The following SBK1 variants were observed in gnomAD, a reference collection of about 807,000 sequenced individuals.
SBK1 encodes the protein SH3 domain binding kinase 1.
Under a neutral mutation model 24.4 loss-of-function variants are expected in SBK1, and 11 were observed. The observed-to-expected ratio is 0.45, with a 90% confidence interval of 0.28 to 0.75. SBK1 has a LOEUF of 0.75. SBK1 is among the 30% of genes least tolerant of loss of function. The probability of loss-of-function intolerance (pLI) is 0.12; values close to 1 mark genes in which losing one functional copy is unlikely to be tolerated. For synonymous variants in SBK1, 308 were observed against 284.4 expected, an observed-to-expected ratio of 1.08 and a Z score of -0.83; for missense variants, 467 against 620.5, an observed-to-expected ratio of 0.75 and a Z score of 2.63.
Position 28,298,055 on chromosome 16 carries a change from TTC to T in SBK1, c.-8+4757_-8+4758del, listed in dbSNP as rs75044149. Among the ~76,000 whole-genome samples, 1,339 of 152,304 alleles carry T rather than the reference TTC, an allele frequency of 8.8e-3. 16 individuals are homozygous for T. Among genetic ancestry groups the T allele is most frequent in the Middle Eastern group, 0.037 (11 of 294 alleles). Reference sequence around the variant, plus strand: ...TCTGCTGGAGAGTTTCCTGGAGACTTTCTGCCCCAGAAGGATGGGCCCCAGGC... The same window carrying T: ...TCTGCTGGAGAGTTTCCTGGAGACTTTGCCCCAGAAGGATGGGCCCCAGGC... On this transcript the variant is annotated intron_variant, in intron 1 of 3. Coordinates refer to ENST00000341901, the MANE Select transcript of SBK1 (RefSeq NM_001024401.3).
Position 28,286,155 on chromosome 16 carries a change from A to G in SBK1, c.257+26653A>G, listed in dbSNP as rs919920532. 6 of 152,530 alleles carry G rather than the reference A, an allele frequency of 3.9e-5. 1 individual carries two copies. Among genetic ancestry groups the G allele is most frequent in the South Asian group, 2.1e-4 (1 of 4,826 alleles). 9.4% of individuals were successfully genotyped at this position (152,530 alleles called of 1,614,324 possible). A position where few individuals can be genotyped will look rare whatever the true frequency, so the allele number is the denominator to read the frequency against. ...ACCTGTGCCATCTTCCATCCGATCCATCTTGGGTTCTGTTGGACCTCTTGG... is the reference window on the plus strand; with the variant it reads ...ACCTGTGCCATCTTCCATCCGATCCGTCTTGGGTTCTGTTGGACCTCTTGG... On this transcript the variant is annotated intron_variant, in intron 1 of 3. Transcript: ENST00000671413.
intron 1 of SBK1, among the ~76,000 whole-genome samples, chr16:28,307,826 G>A (rs546539312): frequency 2.6e-5 from 4 of 152,042 alleles, no homozygotes; most frequent in East Asian, 1.9e-4. Context: ...CATTAAAACC[G>A]TAGCAATATC....
At chr16:28,289,263 TTAG>T (rs1376623004), upstream of SBK1, among the ~76,000 whole-genome samples, 11 of 152,306 alleles carry the variant, frequency 7.2e-5, no homozygotes, top group East Asian at 2.1e-3. Context: ...AATCCCTCTA[TTAG>T]TTTATTTACG....
chr16:28,268,098 A>G (rs563586394), intron 1 of SBK1, among the ~76,000 whole-genome samples: 4 of 152,264 alleles, frequency 2.6e-5, no homozygotes, highest in African/African-American at 9.6e-5. Context: ...CCTGGGCAAC[A>G]TGGTGAGACC....
rs992260403 is a variant in SBK1 at position 28,320,961 on chromosome 16, C to T, written c.*40C>T. The T allele has an allele frequency of 3.5e-5, 47 of 1,350,504 alleles. 1 individual carries two copies. Among genetic ancestry groups the T allele is most frequent in the African/African-American group, 2.4e-4 (15 of 63,522 alleles). 83.7% of individuals were successfully genotyped at this position (1,350,504 alleles called of 1,614,324 possible). A position where few individuals can be genotyped will look rare whatever the true frequency, so the allele number is the denominator to read the frequency against. On this transcript the variant is annotated 3_prime_UTR_variant, in exon 4 of 4. Transcript: ENST00000341901. The surrounding 1 kb of genome is among the most constrained non-coding windows in gnomAD (Gnocchi z 8.5). The stretch of plus-strand genomic sequence containing the variant: ...CCTCGGACCCGGGAGCAGCCCGGGC[C>T]CGCCCCGAGCCGGTGCCCGGTGCGG...
chr16:28,261,707 C>A (rs536983637), intron 1 of SBK1, among the ~76,000 whole-genome samples: 7 of 152,296 alleles, frequency 4.6e-5, no homozygotes, highest in African/African-American at 1.7e-4. Context: ...GACCCTGCAT[C>A]GGAGATTTTG....
At chr16:28,264,582 A>AAC (rs1442226853) in intron 1 of SBK1, among the ~76,000 whole-genome samples, 1 of 152,150 alleles carries the variant, frequency 6.6e-6, no homozygotes, top group African/African-American at 2.4e-5. Flanking sequence ...AAAAAAAAAA[A>AAC]AAAAATTCCT....
chr16:28,303,018 A>AT (rs2044690031), intron 1 of SBK1, among the ~76,000 whole-genome samples: 1 of 151,738 alleles, frequency 6.6e-6, no homozygotes, highest in African/African-American at 2.4e-5. Flanking sequence ...TCATTTTGTC[A>AT]TTTGAACAGA....
chr16:28,304,279 C>T (rs1386199196), intron 1 of SBK1, among the ~76,000 whole-genome samples: 1 of 152,166 alleles, frequency 6.6e-6, no homozygotes, highest in Non-Finnish European at 1.5e-5. Context: ...TCCCTATCCT[C>T]CTGGAACCTC....
chr16:28,302,966 G>GGA (rs1555537949), intron 1 of SBK1, among the ~76,000 whole-genome samples: 3 of 151,860 alleles, frequency 2.0e-5, no homozygotes, highest in Non-Finnish European at 2.9e-5. Context: ...GGGCATGGGG[G>GGA]GGGGTCAGGA....
chr16:28,275,532 C>G (rs1015833450), intron 1 of SBK1, among the ~76,000 whole-genome samples: 1 of 152,020 alleles, frequency 6.6e-6, no homozygotes, highest in African/African-American at 2.4e-5. Flanking sequence ...TGGCTCAAGA[C>G]GTGGGTCAGG....
intron 1 of SBK1, among the ~76,000 whole-genome samples, chr16:28,271,024 T>C (rs1252241352): frequency 6.6e-6 from 1 of 151,684 alleles, no homozygotes; most frequent in Non-Finnish European, 1.5e-5. Context: ...CCACCACGCC[T>C]GGCTAATTTT....
rs577952129 is a variant in SBK1 at position 28,323,734 on chromosome 16, C to T, written c.*2813C>T. ...CCCCTCATGTCTTGCCGCCCTTCCTCCATGTGTTTGTAAATACTCTGGCAT... is the reference window on the plus strand; with the variant it reads ...CCCCTCATGTCTTGCCGCCCTTCCTTCATGTGTTTGTAAATACTCTGGCAT... On this transcript the variant is annotated 3_prime_UTR_variant, in exon 4 of 4. Coordinates refer to ENST00000341901, the MANE Select transcript of SBK1 (RefSeq NM_001024401.3). 6.5e-6 allele frequency: 1 copy of T among 152,848 alleles called. No individual in the cohort carries two copies. Among genetic ancestry groups the T allele is most frequent in the East Asian group, 1.9e-4 (1 of 5,308 alleles). 9.5% of individuals were successfully genotyped at this position (152,848 alleles called of 1,614,324 possible). A position where few individuals can be genotyped will look rare whatever the true frequency, so the allele number is the denominator to read the frequency against.
In SBK1 at chr16:28,292,852, C is replaced by T. The variant is rs930787869; in HGVS notation, c.-456C>T. Reference sequence around the variant, plus strand: ...CCCCTGCGGGGAAAGCGGAGACTTCCTCGGTATTTAGAAGACAGCAAGCCC... The same window carrying T: ...CCCCTGCGGGGAAAGCGGAGACTTCTTCGGTATTTAGAAGACAGCAAGCCC... On this transcript the variant is annotated 5_prime_UTR_variant, in exon 1 of 4. Transcript: ENST00000341901. 2.3e-5 allele frequency: 23 copies of T among 984,596 alleles called. No homozygotes were observed. Among genetic ancestry groups the T allele is most frequent in the Non-Finnish European group, 2.7e-5 (22 of 829,256 alleles). The allele number at this position is 984,596 out of a possible 1,614,324, so 61.0% of individuals were successfully genotyped here.
At chr16:28,308,450 CTTTTTTTTTTTTTTTTTTTTTTT>C (rs59880320) in intron 1 of SBK1, among the ~76,000 whole-genome samples, 1 of 39,980 alleles carries the variant, frequency 2.5e-5, no homozygotes, top group Non-Finnish European at 4.1e-5. Flanking sequence ...CATGCTTGGG[CTTTTTTTTTTTTTTTTTTTTTTT>C]TTTTTTTTTT....
At chr16:28,309,113 ACAC>A (rs2044737215) in intron 1 of SBK1, among the ~76,000 whole-genome samples, 1 of 152,144 alleles carries the variant, frequency 6.6e-6, no homozygotes. Flanking sequence ...GAGGCTTTCC[ACAC>A]AGTGACCTGG....
At chr16:28,262,348 C>T (rs1232068318) in intron 1 of SBK1, among the ~76,000 whole-genome samples, 1 of 152,234 alleles carries the variant, frequency 6.6e-6, no homozygotes, top group Admixed American at 6.5e-5. Flanking sequence ...CTGGTGCATC[C>T]TGCTTCTGTG....
Position 28,292,644 on chromosome 16 carries a change from C to G in SBK1, c.-664C>G. 3 of 983,316 alleles carry G rather than the reference C, an allele frequency of 3.1e-6. No individual in the cohort carries two copies. The highest frequency in any genetic ancestry group is 2.4e-6 in the Non-Finnish European group (2 of 829,054). 60.9% of individuals were successfully genotyped at this position (983,316 alleles called of 1,614,324 possible). A position where few individuals can be genotyped will look rare whatever the true frequency, so the allele number is the denominator to read the frequency against. ...AGGCCGGGGGCCGGGAGCGCAGGGCCGGGCTGCTCGTAGCGGCGGCGACCG... is the reference window on the plus strand; with the variant it reads ...AGGCCGGGGGCCGGGAGCGCAGGGCGGGGCTGCTCGTAGCGGCGGCGACCG... On this transcript the variant is annotated 5_prime_UTR_variant, in exon 1 of 4. Transcript: ENST00000341901.
chr16:28,317,672 G>A lies in SBK1; in HGVS notation c.226+55G>A. On this transcript the variant is annotated intron_variant, in intron 2 of 3. Transcript: ENST00000341901. This position sits in a 1 kb window ranked among gnomAD's most constrained non-coding sequence, Gnocchi z 4.2. ...AGGTTGGGGTGGGGCAGGGCTGGGA[G>A]GTCAGGGTTGGGGGACATGACCTTG... is the stretch of plus-strand genomic sequence containing the variant. 7 of 1,205,260 alleles carry A rather than the reference G, an allele frequency of 5.8e-6. No homozygotes were observed. The Admixed American group carries it at 1.1e-4, about 18-fold the overall frequency. 74.7% of individuals were successfully genotyped at this position (1,205,260 alleles called of 1,614,324 possible). A position where few individuals can be genotyped will look rare whatever the true frequency, so the allele number is the denominator to read the frequency against.
Sources: gnomAD v4.1 joint callset for allele counts (sites outside exome capture counted in the v4.1 genomes callset) on GRCh38, gnomAD v4.1.1 for gene constraint, Gnocchi (gnomAD v3.1) non-coding constraint, MANE v1.5 for transcripts, NCBI Gene and HGNC (gene_info 2026-07-23, HGNC 2026-07-21) for gene names.